LRRTM4: variants seen among roughly 807,000 people sequenced by gnomAD.
LRRTM4 encodes leucine-rich repeat transmembrane neuronal protein 4.
Under a neutral mutation model 47.6 loss-of-function variants are expected in LRRTM4, and 25 were observed. The ratio of observed to expected loss-of-function variants is 0.53; its 90% CI spans 0.38 to 0.73. The LOEUF is 0.73. Ranked by LOEUF, LRRTM4 falls within the 30% of genes least tolerant of loss-of-function variation. The probability of loss-of-function intolerance (pLI) is 0.00; values close to 1 mark genes in which losing one functional copy is unlikely to be tolerated. For missense variants in LRRTM4, 638 were observed against 713.4 expected (o/e 0.89, Z 1.20); for synonymous variants, 311 against 269.5 (o/e 1.15, Z -1.51).
chr2:76,895,619 C>T (rs960231173), intron 3 of LRRTM4, among the ~76,000 whole-genome samples: 2 of 151,994 alleles, frequency 1.3e-5, no homozygotes, highest in African/African-American at 2.4e-5. Flanking sequence ...TAGATCTGTC[C>T]ATGATCTACC....
chr2:77,347,804 G>A (rs1202365603), intron 3 of LRRTM4, among the ~76,000 whole-genome samples: 4 of 151,788 alleles, frequency 2.6e-5, no homozygotes, highest in Non-Finnish European at 5.9e-5. Context: ...GGTAGCTCTG[G>A]TCTAAAATAT....
At chr2:77,217,440 A>AATATAT (rs34070418) in intron 3 of LRRTM4, among the ~76,000 whole-genome samples, 892 of 76,778 alleles carry the variant, frequency 0.012, 51 homozygotes, top group East Asian at 0.041. Context: ...CTCCAAATGA[A>AATATAT]ATATATATAT....
chr2:76,861,550 C>T (rs936408885), intron 3 of LRRTM4, among the ~76,000 whole-genome samples: 3 of 152,130 alleles, frequency 2.0e-5, no homozygotes, highest in Non-Finnish European at 4.4e-5. Context: ...TTTCAACAGC[C>T]ATACTCTCTG....
chr2:77,112,854 G>A (rs76736100), intron 3 of LRRTM4, among the ~76,000 whole-genome samples: 1,899 of 152,172 alleles, frequency 0.012, 49 homozygotes, highest in African/African-American at 0.043. Context: ...CTCCTGATCA[G>A]GTACATTTTG....
At chr2:77,037,279 T>C (rs1324562926) in intron 3 of LRRTM4, among the ~76,000 whole-genome samples, 1 of 151,768 alleles carries the variant, frequency 6.6e-6, no homozygotes, top group Non-Finnish European at 1.5e-5. Flanking sequence ...GGAGTTAAAA[T>C]AACTTTTACA....
chr2:76,938,523 T>C (rs2103854756), intron 3 of LRRTM4, among the ~76,000 whole-genome samples: 1 of 152,292 alleles, frequency 6.6e-6, no homozygotes, highest in South Asian at 2.1e-4. Flanking sequence ...TTGGGAAATG[T>C]GATTTCACTC....
At position 76,895,850 on chromosome 2, in the gene LRRTM4, A is replaced by G. The variant is rs187510662; in HGVS notation, c.1552-146934T>C. On this transcript the variant is annotated intron_variant, in intron 3 of 3. Transcript: ENST00000409884. ...AACACAACCCCGATTACTTACCTTG[A>G]CAACTGAATTAATCTTCTTCTTTTC... Among the ~76,000 whole-genome samples the G allele has an allele frequency of 3.1e-3, 471 of 152,162 alleles. 3 individuals are homozygous for G. The highest frequency in any genetic ancestry group is 0.01 in the African/African-American group (419 of 41,524).
At chr2:77,117,783 T>C (rs1303723682) in intron 3 of LRRTM4, among the ~76,000 whole-genome samples, 1 of 151,994 alleles carries the variant, frequency 6.6e-6, no homozygotes, top group African/African-American at 2.4e-5. Flanking sequence ...AGACTTCATT[T>C]ACTCAGACAT....
chr2:77,042,336 C>G (rs1041784138), intron 3 of LRRTM4, among the ~76,000 whole-genome samples: 1 of 151,628 alleles, frequency 6.6e-6, no homozygotes, highest in Non-Finnish European at 1.5e-5. Context: ...CACTGCAAAA[C>G]TACAGTGAAG....
At chr2:77,061,548 C>A (rs1679785144) in intron 3 of LRRTM4, among the ~76,000 whole-genome samples, 1 of 152,158 alleles carries the variant, frequency 6.6e-6, no homozygotes, top group Non-Finnish European at 1.5e-5. Context: ...ACATTCAAAT[C>A]TCTCCAGAAA....
chr2:77,308,791 T>G (rs904034104), intron 3 of LRRTM4, among the ~76,000 whole-genome samples: 16 of 152,074 alleles, frequency 1.1e-4, no homozygotes, highest in African/African-American at 3.6e-4. Flanking sequence ...TTATTTGGTT[T>G]GTTTTTGTTT....
intron 3 of LRRTM4, among the ~76,000 whole-genome samples, chr2:77,273,766 C>T (rs1034226839): frequency 1.3e-5 from 2 of 152,136 alleles, no homozygotes; most frequent in East Asian, 3.9e-4. Context: ...TTTTTGACGC[C>T]ATTTAGAAAC....
intron 3 of LRRTM4, among the ~76,000 whole-genome samples, chr2:77,389,920 C>G (rs1239712244): frequency 6.6e-6 from 1 of 151,954 alleles, no homozygotes; most frequent in African/African-American, 2.4e-5. Context: ...CCAGGAAAAA[C>G]AGACAATCTG....
At chr2:77,325,437 A>G (rs903520065) in intron 3 of LRRTM4, among the ~76,000 whole-genome samples, 3 of 152,192 alleles carry the variant, frequency 2.0e-5, no homozygotes, top group African/African-American at 7.2e-5. Context: ...GTTGTCACTT[A>G]GCTATATAGG....
intron 3 of LRRTM4, among the ~76,000 whole-genome samples, chr2:77,085,524 CATGGAAT>C (rs1558570971): frequency 6.6e-6 from 1 of 151,758 alleles, no homozygotes. Context: ...CTCTTTAAAA[CATGGAAT>C]CACGTATTAA....
intron 3 of LRRTM4, among the ~76,000 whole-genome samples, chr2:77,205,095 C>T (rs557547239): frequency 3.7e-4 from 57 of 152,296 alleles, no homozygotes; most frequent in Middle Eastern, 3.4e-3. Context: ...GAACATTTTC[C>T]AGTGCCGGAA....
At position 77,411,355 on chromosome 2, in the gene LRRTM4, A is replaced by T. The variant is rs537743835; in HGVS notation, c.1551+106963T>A. On this transcript the variant is annotated intron_variant, in intron 3 of 3. Transcript: ENST00000409884. ...TAAGGATAGGCTAACCAAGTATTGG[A>T]TGCCGGGGTCTTCGATTTCTTTCTT... 1.4e-4 allele frequency among the ~76,000 whole-genome samples: 21 copies of T among 151,526 alleles called. No homozygotes were observed. In the East Asian group the frequency reaches 2.3e-3, roughly 17 times the overall value.
At chr2:77,155,391 A>G (rs1672534246) in intron 3 of LRRTM4, among the ~76,000 whole-genome samples, 2 of 151,978 alleles carry the variant, frequency 1.3e-5, no homozygotes, top group South Asian at 4.1e-4. Flanking sequence ...TGATCGAAAT[A>G]TAAAGCATGT....
At chr2:77,252,148 G>T (rs1011087227) in intron 3 of LRRTM4, among the ~76,000 whole-genome samples, 1 of 152,088 alleles carries the variant, frequency 6.6e-6, no homozygotes, top group Non-Finnish European at 1.5e-5. Flanking sequence ...GAAGCAGATT[G>T]CAATGGGTCT....
Sources: gnomAD v4.1 joint callset for allele counts (sites outside exome capture counted in the v4.1 genomes callset) on GRCh38, gnomAD v4.1.1 for gene constraint, MANE v1.5 for transcripts, NCBI Gene and HGNC (gene_info 2026-07-23, HGNC 2026-07-21) for gene names.